Variants in CWC27 observed in about 807,000 individuals in gnomAD.
CWC27 encodes the protein CWC27 spliceosome associated cyclophilin.
CWC27 carries 47 observed loss-of-function variants against 63.6 expected under a neutral mutation model. The ratio of observed to expected loss-of-function variants is 0.74; its 90% CI spans 0.58 to 0.94. The LOEUF (loss-of-function observed/expected upper bound fraction) is 0.94, where lower values mean the gene tolerates loss of function less well. CWC27 is among the 40% of genes least tolerant of loss of function. The probability of loss-of-function intolerance (pLI) is 0.00; values close to 1 mark genes in which losing one functional copy is unlikely to be tolerated. For synonymous variants in CWC27, 175 were observed against 179.8 expected, an observed-to-expected ratio of 0.97 and a Z score of 0.22; for missense variants, 495 against 554.3, an observed-to-expected ratio of 0.89 and a Z score of 1.07.
intron 11 of CWC27, among the ~76,000 whole-genome samples, chr5:64,965,214 G>T (rs934028581): frequency 6.6e-6 from 1 of 152,180 alleles, no homozygotes; most frequent in African/African-American, 2.4e-5. Flanking sequence ...GGAACACCCT[G>T]TGATTTACCC....
intron 13 of CWC27, among the ~76,000 whole-genome samples, chr5:65,015,330 G>T (rs187487558): frequency 2.4e-3 from 360 of 152,212 alleles, no homozygotes; most frequent in Middle Eastern, 6.8e-3. Context: ...GCAGAGAAAA[G>T]GATAATTTTT....
chr5:64,971,497 A>G (rs1467205489), intron 11 of CWC27, among the ~76,000 whole-genome samples: 4 of 152,232 alleles, frequency 2.6e-5, no homozygotes, highest in African/African-American at 7.2e-5. Context: ...ATATATGTAT[A>G]TCAACTCATA....
At chr5:64,829,623 C>G (rs537434376) in intron 10 of CWC27, among the ~76,000 whole-genome samples, 60 of 147,672 alleles carry the variant, frequency 4.1e-4, no homozygotes, top group African/African-American at 1.4e-3. Flanking sequence ...AGGAAAATCA[C>G]TTTAATACTT....
intron 11 of CWC27, among the ~76,000 whole-genome samples, chr5:64,928,155 C>CAA (rs773276316): frequency 1.6e-5 from 2 of 126,594 alleles, no homozygotes. Context: ...AACTCCTTCT[C>CAA]AAAAAAAAAA....
chr5:64,792,379 C>G (rs994454537), intron 7 of CWC27, among the ~76,000 whole-genome samples: 1 of 152,086 alleles, frequency 6.6e-6, no homozygotes, highest in Non-Finnish European at 1.5e-5. Flanking sequence ...ATTTGCTGCT[C>G]TATATGTATG....
Position 64,985,261 on chromosome 5 carries a change from C to T in CWC27, c.1256+8023C>T, listed in dbSNP as rs1695458976. 1.3e-5 allele frequency among the ~76,000 whole-genome samples: 2 copies of T among 152,004 alleles called. 1 individual carries two copies. The highest frequency in any genetic ancestry group is 4.2e-4 in the South Asian group (2 of 4,816). On this transcript the variant is annotated intron_variant, in intron 13 of 13. Transcript: ENST00000381070. ...TGCTTTGGCTATTCTAGTTCTTTTGCCCTTTCCATAAAAGTTTTAGAATCA... is the reference window on the plus strand; with the variant it reads ...TGCTTTGGCTATTCTAGTTCTTTTGTCCTTTCCATAAAAGTTTTAGAATCA...
chr5:64,878,499 A>AAAAAAAAAAAAAAC (rs1746852497), intron 10 of CWC27, among the ~76,000 whole-genome samples: 1 of 140,988 alleles, frequency 7.1e-6, no homozygotes, highest in Non-Finnish European at 1.6e-5. Context: ...AAAAAAAAAA[A>AAAAAAAAAAAAAAC]AGCACCTGTT....
chr5:64,913,287 A>C (rs753066606), intron 11 of CWC27, among the ~76,000 whole-genome samples: 3 of 152,094 alleles, frequency 2.0e-5, no homozygotes, highest in Admixed American at 6.5e-5. Context: ...TATTATACTT[A>C]ATGGTGTGGT....
At chr5:64,839,560 CG>C (rs113272075) in intron 10 of CWC27, among the ~76,000 whole-genome samples, 1 of 152,170 alleles carries the variant, frequency 6.6e-6, no homozygotes, top group African/African-American at 2.4e-5. Context: ...TACTTGGAAA[CG>C]AGAAAGCACA....
intron 11 of CWC27, among the ~76,000 whole-genome samples, chr5:64,944,254 G>GA (rs1435805991): frequency 2.7e-5 from 4 of 147,702 alleles, no homozygotes; most frequent in African/African-American, 7.5e-5. Flanking sequence ...TCCTTTTCTA[G>GA]AAAAAAACTC....
intron 11 of CWC27, among the ~76,000 whole-genome samples, chr5:64,927,010 G>A (rs1748128816): frequency 6.6e-6 from 1 of 152,148 alleles, no homozygotes; most frequent in Non-Finnish European, 1.5e-5. Context: ...AATAGAATGT[G>A]TATATATCAT....
intron 11 of CWC27, among the ~76,000 whole-genome samples, chr5:64,910,303 T>C (rs1747757239): frequency 6.6e-6 from 1 of 152,222 alleles, no homozygotes. Context: ...TATTGCTGCC[T>C]GATCCTTCCT....
chr5:64,974,474 G>T (rs988331307), intron 12 of CWC27, among the ~76,000 whole-genome samples: 1 of 152,176 alleles, frequency 6.6e-6, no homozygotes, highest in African/African-American at 2.4e-5. Context: ...AAACCCATCA[G>T]ATCTTGTGAG....
intron 11 of CWC27, among the ~76,000 whole-genome samples, chr5:64,893,448 C>G (rs947079131): frequency 6.6e-6 from 1 of 152,172 alleles, no homozygotes; most frequent in Admixed American, 6.5e-5. Flanking sequence ...TGCATGGTAT[C>G]AGGTTGATTT....
rs111759648 is a variant in CWC27 at position 64,855,985 on chromosome 5, A to G, written c.939-29458A>G. Among the ~76,000 whole-genome samples, 733 of 152,236 alleles carry G rather than the reference A, an allele frequency of 4.8e-3. 5 individuals carry two copies. Among genetic ancestry groups the G allele is most frequent in the African/African-American group, 0.017 (691 of 41,570 alleles). On this transcript the variant is annotated intron_variant, in intron 10 of 13. Transcript: ENST00000381070. ...TCAAACATAAATTCAGCTATCAGGA[A>G]GAAGATTGGCTTAAGGGGAGTGTTA...
chr5:64,957,668 T>C (rs1748828469), intron 11 of CWC27, among the ~76,000 whole-genome samples: 1 of 152,194 alleles, frequency 6.6e-6, no homozygotes. Flanking sequence ...AAGCTGCTTA[T>C]CAAGTAGTCT....
chr5:64,955,865 T>C (rs760524346), intron 11 of CWC27, among the ~76,000 whole-genome samples: 14 of 152,144 alleles, frequency 9.2e-5, no homozygotes, highest in Admixed American at 2.6e-4. Flanking sequence ...CAGGATATTT[T>C]CCAAAGTTCC....
At chr5:64,921,363 G>A (rs546403695) in intron 11 of CWC27, among the ~76,000 whole-genome samples, 1 of 152,214 alleles carries the variant, frequency 6.6e-6, no homozygotes, top group Non-Finnish European at 1.5e-5. Flanking sequence ...CTTGCGGTCA[G>A]TCTTAGTGTA....
At chr5:64,889,638 A>G (rs1243920570) in intron 11 of CWC27, among the ~76,000 whole-genome samples, 2 of 152,114 alleles carry the variant, frequency 1.3e-5, no homozygotes, top group Non-Finnish European at 2.9e-5. Flanking sequence ...CATAAAAGCA[A>G]ATTGAGGCCG....
Sources: gnomAD v4.1 joint callset for allele counts (sites outside exome capture counted in the v4.1 genomes callset) on GRCh38, gnomAD v4.1.1 for gene constraint, MANE v1.5 for transcripts, NCBI Gene and HGNC (gene_info 2026-07-23, HGNC 2026-07-21) for gene names.